IMMP2L: variants seen among roughly 807,000 people sequenced by gnomAD.
IMMP2L encodes mitochondrial inner membrane protease subunit 2.
Under a neutral mutation model 19.3 loss-of-function variants are expected in IMMP2L, and 18 were observed. That is an observed-to-expected ratio of 0.93 (90% CI 0.64 to 1.38). IMMP2L has a LOEUF of 1.38. IMMP2L is among the 40% of genes most tolerant of loss of function. The probability of loss-of-function intolerance (pLI) is 0.00; values close to 1 mark genes in which losing one functional copy is unlikely to be tolerated. For missense variants in IMMP2L, 233 were observed against 218.2 expected, an observed-to-expected ratio of 1.07 and a Z score of -0.43; for synonymous variants, 76 against 73.0, an observed-to-expected ratio of 1.04 and a Z score of -0.21.
At chr7:111,283,630 G>C (rs1312364841) in intron 3 of IMMP2L, among the ~76,000 whole-genome samples, 1 of 152,094 alleles carries the variant, frequency 6.6e-6, no homozygotes. Context: ...CTACTCCAAG[G>C]GGCCTGGGCT....
At chr7:110,932,957 T>A (rs1160949534) in intron 4 of IMMP2L, among the ~76,000 whole-genome samples, 1 of 152,210 alleles carries the variant, frequency 6.6e-6, no homozygotes, top group Non-Finnish European at 1.5e-5. Flanking sequence ...TATTTCAGAA[T>A]ATTACATCGC....
chr7:111,093,704 G>A (rs571789907), intron 3 of IMMP2L, among the ~76,000 whole-genome samples: 56 of 152,232 alleles, frequency 3.7e-4, no homozygotes, highest in African/African-American at 1.3e-3. Context: ...CCAGGCCCCC[G>A]GTGTTGCCAC....
chr7:111,520,541 G>T (rs190814936), intron 2 of IMMP2L, among the ~76,000 whole-genome samples: 3 of 151,816 alleles, frequency 2.0e-5, no homozygotes, highest in African/African-American at 7.3e-5. Flanking sequence ...AAATTAAGCT[G>T]GTTATTCTCT....
rs1334000972 is a variant in IMMP2L, at chr7:111,123,862, A to G, written c.240-160297T>C. Reference sequence around the variant, plus strand: ...GTCTCTGCCAAACCTCAAGGAAATCAGCATACACAGTAACCCCATCAGGTG... The same window carrying G: ...GTCTCTGCCAAACCTCAAGGAAATCGGCATACACAGTAACCCCATCAGGTG... On this transcript the variant is annotated intron_variant, in intron 3 of 5. Coordinates refer to ENST00000405709, the MANE Select transcript of IMMP2L (RefSeq NM_032549.4). The surrounding 1 kb of genome is among the most constrained non-coding windows in gnomAD (Gnocchi z 6.4). The G allele has an allele frequency of 1.2e-6, 2 of 1,614,014 alleles. No individual in the cohort carries two copies. Among genetic ancestry groups the G allele is most frequent in the East Asian group, 2.2e-5 (1 of 44,854 alleles).
chr7:110,930,610 G>A (rs1447364936), intron 4 of IMMP2L, among the ~76,000 whole-genome samples: 1 of 152,122 alleles, frequency 6.6e-6, no homozygotes, highest in Non-Finnish European at 1.5e-5. Flanking sequence ...CCCAGTAATG[G>A]CATAAACTAT....
chr7:110,794,535 C>T (rs1004262807), intron 5 of IMMP2L, among the ~76,000 whole-genome samples: 2 of 151,958 alleles, frequency 1.3e-5, no homozygotes, highest in South Asian at 2.1e-4. Context: ...TACTTAAATG[C>T]GATCATCATA....
In IMMP2L at chr7:111,123,603, G is replaced by C; in HGVS notation, c.240-160038C>G. 6.2e-7 allele frequency: 1 copy of C among 1,613,184 alleles called. No homozygotes were observed. The highest frequency in any genetic ancestry group is 8.5e-7 in the Non-Finnish European group (1 of 1,179,490). ...AAAATCCTATTAATAGAATACGAAG[G>C]GGTGATTTTAGCAATATGCTACACT... On this transcript the variant is annotated intron_variant, in intron 3 of 5. Coordinates refer to ENST00000405709, the MANE Select transcript of IMMP2L (RefSeq NM_032549.4). This position sits in a 1 kb window ranked among gnomAD's most constrained non-coding sequence, Gnocchi z 6.4.
chr7:111,333,148 GA>G (rs1335106864), intron 3 of IMMP2L, among the ~76,000 whole-genome samples: 1 of 152,126 alleles, frequency 6.6e-6, no homozygotes, highest in Non-Finnish European at 1.5e-5. Context: ...AGGGAATACA[GA>G]ATGGGTAGTA....
At chr7:111,076,335 C>T (rs978221801) in intron 3 of IMMP2L, among the ~76,000 whole-genome samples, 4 of 152,084 alleles carry the variant, frequency 2.6e-5, no homozygotes, top group Non-Finnish European at 4.4e-5. Context: ...TTCAATGTGC[C>T]CCTGAGTACT....
At chr7:111,269,136 T>C (rs1818174134) in intron 3 of IMMP2L, among the ~76,000 whole-genome samples, 1 of 152,022 alleles carries the variant, frequency 6.6e-6, no homozygotes, top group African/African-American at 2.4e-5. Flanking sequence ...GACAGGGCAC[T>C]GGCAGGGCAG....
Position 110,829,603 on chromosome 7 carries a change from C to CA in IMMP2L, c.408+56989dup, listed in dbSNP as rs1053261910. 4.0e-5 allele frequency among the ~76,000 whole-genome samples: 6 copies of CA among 151,598 alleles called. 1 individual carries two copies. The South Asian group carries it at 1.2e-3, about 31-fold the overall frequency. ...CCTTATTCTTAGAAAAACAAAAAAA[C>CA]AAAAAAAGAGAGAAAAACCCCAAGC... On this transcript the variant is annotated intron_variant, in intron 5 of 5. Transcript: ENST00000405709.
intron 3 of IMMP2L, among the ~76,000 whole-genome samples, chr7:111,326,519 C>T (rs1825334271): frequency 6.6e-6 from 1 of 151,764 alleles, no homozygotes; most frequent in African/African-American, 2.4e-5. Flanking sequence ...ACATATTCCT[C>T]ATTAAGATTC....
chr7:111,122,446 A>C, intron 3 of IMMP2L: 2 of 208,306 alleles, frequency 9.6e-6, no homozygotes, highest in Non-Finnish European at 1.9e-5. Flanking sequence ...AATACTGAAG[A>C]AGCATGGGAT....
In IMMP2L at chr7:111,387,670, A is replaced by T. The variant is rs141070805; in HGVS notation, c.239+99568T>A. On this transcript the variant is annotated intron_variant, in intron 3 of 5. Transcript: ENST00000405709. ...TTCTGTCATTCACATCTAGAATAAT[A>T]ATTTTTTTTACAAAAACTAAAATAC... 6.0e-3 allele frequency among the ~76,000 whole-genome samples: 906 copies of T among 152,164 alleles called. 4 individuals are homozygous for T. The highest frequency in any genetic ancestry group is 8.5e-3 in the Non-Finnish European group (581 of 67,990).
chr7:111,027,494 A>T (rs571920148), intron 3 of IMMP2L, among the ~76,000 whole-genome samples: 1 of 152,200 alleles, frequency 6.6e-6, no homozygotes, highest in African/African-American at 2.4e-5. Context: ...GCAGAGAGAA[A>T]AAGAAACACT....
At chr7:111,154,885 C>G (rs906203265) in intron 3 of IMMP2L, among the ~76,000 whole-genome samples, 1 of 152,126 alleles carries the variant, frequency 6.6e-6, no homozygotes, top group East Asian at 1.9e-4. Flanking sequence ...AGCCTCCCAA[C>G]TAGCTGGGAC....
At chr7:111,000,427 A>T (rs1257396718) in intron 3 of IMMP2L, among the ~76,000 whole-genome samples, 1 of 152,242 alleles carries the variant, frequency 6.6e-6, no homozygotes, top group Non-Finnish European at 1.5e-5. Context: ...TCAGAAGATA[A>T]TGTGATGTAA....
chr7:111,000,352 T>C (rs762121773), intron 3 of IMMP2L, among the ~76,000 whole-genome samples: 1 of 152,156 alleles, frequency 6.6e-6, no homozygotes, highest in Non-Finnish European at 1.5e-5. Context: ...TAATCTTCTA[T>C]ATTTACCCTC....
At chr7:111,070,126 T>C (rs973370894) in intron 3 of IMMP2L, among the ~76,000 whole-genome samples, 1 of 151,954 alleles carries the variant, frequency 6.6e-6, no homozygotes, top group African/African-American at 2.4e-5. Context: ...AGATGTAAAT[T>C]GATAGTGAAA....
Sources: allele counts gnomAD v4.1 joint callset (sites outside exome capture counted in the v4.1 genomes callset), GRCh38; gene constraint gnomAD v4.1.1; non-coding constraint Gnocchi (gnomAD v3.1); transcripts MANE v1.5; gene names NCBI Gene and HGNC (gene_info 2026-07-23, HGNC 2026-07-21).